The following DIP2B variants were observed in gnomAD, a reference collection of about 807,000 sequenced individuals.
DIP2B encodes DIP2 acetate--CoA ligase B (putative).
In DIP2B, 76 loss-of-function variants were observed where a neutral mutation model predicts 198.0. The observed-to-expected ratio is 0.38, with a 90% CI of 0.32 to 0.46. The LOEUF is 0.46. Ranked by LOEUF, DIP2B falls within the 20% of genes least tolerant of loss-of-function variation. The pLI, the probability that DIP2B is intolerant of heterozygous loss-of-function variation, is 0.99. For missense variants in DIP2B, 1,559 were observed against 1,978.4 expected (o/e 0.79, Z 4.02); for synonymous variants, 701 against 739.1 (o/e 0.95, Z 0.84).
intron 1 of DIP2B, among the ~76,000 whole-genome samples, chr12:50,513,623 CA>C (rs1958037785): frequency 6.6e-6 from 1 of 152,140 alleles, no homozygotes; most frequent in South Asian, 2.1e-4. Flanking sequence ...CCTGCAATCC[CA>C]ATACTTTGGG....
At chr12:50,635,179 T>A (rs1182178869) in intron 2 of DIP2B, among the ~76,000 whole-genome samples, 1 of 152,228 alleles carries the variant, frequency 6.6e-6, no homozygotes, top group Non-Finnish European at 1.5e-5. Context: ...TGTTTTGTCT[T>A]ACTGTATTTG....
At chr12:50,686,534 G>C (rs370653471) in intron 11 of DIP2B, 39 bp from the exon 12 acceptor site, 2 of 1,590,266 alleles carry the variant, frequency 1.3e-6, no homozygotes, top group Non-Finnish European at 1.7e-6. Context: ...ATTCCCTGAT[G>C]GCTTAGGCAA....
intron 1 of DIP2B, among the ~76,000 whole-genome samples, chr12:50,624,907 T>C (rs190712151): frequency 5.9e-5 from 9 of 152,296 alleles, no homozygotes; most frequent in East Asian, 5.8e-4. Context: ...CACTGCAGCA[T>C]TGGAGGCTGA....
At chr12:50,656,697 A>G (rs1360301094) in intron 3 of DIP2B, among the ~76,000 whole-genome samples, 1 of 152,112 alleles carries the variant, frequency 6.6e-6, no homozygotes, top group Non-Finnish European at 1.5e-5. Context: ...TCAGCCTCCC[A>G]AGTAGCTGGG....
intron 25 of DIP2B, among the ~76,000 whole-genome samples, chr12:50,719,741 C>T (rs970934876): frequency 4.5e-4 from 68 of 150,770 alleles, no homozygotes; most frequent in African/African-American, 1.5e-3. Context: ...CTCGGGAGGC[C>T]GAGGCAGGAG....
intron 1 of DIP2B, among the ~76,000 whole-genome samples, chr12:50,569,748 A>T (rs761011776): frequency 1.3e-5 from 2 of 152,240 alleles, no homozygotes; most frequent in African/African-American, 2.4e-5. Context: ...GATTATCTTA[A>T]GAGTTATTAT....
At position 50,578,258 on chromosome 12, in the gene DIP2B, C is replaced by T. The variant is rs570826981; in HGVS notation, c.101-47718C>T. On this transcript the variant is annotated intron_variant, in intron 1 of 37. Coordinates refer to ENST00000301180, the MANE Select transcript of DIP2B (RefSeq NM_173602.3). The stretch of plus-strand genomic sequence containing the variant: ...CCTGACCTCAAGGTATCACCTGCCT[C>T]GGGCTCCCAAAGTGCTGGGATTATA... 5.3e-5 allele frequency among the ~76,000 whole-genome samples: 8 copies of T among 152,292 alleles called. No homozygotes were observed. The South Asian group carries it at 1.0e-3, about 20-fold the overall frequency.
At chr12:50,634,334 A>G (rs1938118923) in intron 2 of DIP2B, among the ~76,000 whole-genome samples, 1 of 152,208 alleles carries the variant, frequency 6.6e-6, no homozygotes, top group African/African-American at 2.4e-5. Flanking sequence ...TTGTGTAGAA[A>G]GGCAATTTCC....
chr12:50,631,029 A>T (rs1938041414), intron 2 of DIP2B, among the ~76,000 whole-genome samples: 2 of 152,188 alleles, frequency 1.3e-5, no homozygotes, highest in South Asian at 2.1e-4. Flanking sequence ...GCCTTCAACT[A>T]TCAGTTACTG....
intron 3 of DIP2B, among the ~76,000 whole-genome samples, chr12:50,658,687 A>G (rs1938594297): frequency 6.6e-6 from 1 of 152,246 alleles, no homozygotes. Flanking sequence ...TAAGTAAATC[A>G]TGGCACATTC....
chr12:50,684,874 T>C (rs947128660), intron 10 of DIP2B, among the ~76,000 whole-genome samples: 16 of 150,082 alleles, frequency 1.1e-4, no homozygotes, highest in South Asian at 2.1e-4. Flanking sequence ...GGTGGATCAC[T>C]TGAGGTCAGG....
Position 50,739,587 on chromosome 12 carries a change from G to A in DIP2B, c.4354+1G>A. 6.2e-7 allele frequency: 1 copy of A among 1,612,916 alleles called. No homozygotes were observed. The stretch of plus-strand genomic sequence containing the variant: ...ACCGAGCTCACAGCGGCCACTGGAG[G>A]TACTTCTGCAACAACTCCCCATTGA... On this transcript the variant is annotated splice_donor_variant, in intron 36 of 37. Coordinates refer to ENST00000301180, the MANE Select transcript of DIP2B (RefSeq NM_173602.3). LOFTEE classifies it high-confidence loss of function.
At chr12:50,512,229 A>G (rs1958024511) in intron 1 of DIP2B, among the ~76,000 whole-genome samples, 1 of 148,766 alleles carries the variant, frequency 6.7e-6, no homozygotes, top group African/African-American at 2.5e-5. Flanking sequence ...GCTTCAGCCT[A>G]CTGAGTAGCT....
chr12:50,669,981 A>G (rs1938822117), intron 4 of DIP2B, among the ~76,000 whole-genome samples: 1 of 152,234 alleles, frequency 6.6e-6, no homozygotes, highest in African/African-American at 2.4e-5. Context: ...GTTGTAAATC[A>G]TAACACCCAG....
intron 1 of DIP2B, among the ~76,000 whole-genome samples, chr12:50,518,311 GC>G (rs1292101976): frequency 6.7e-6 from 1 of 150,288 alleles, no homozygotes; most frequent in African/African-American, 2.5e-5. Context: ...TGCAAGCTCC[GC>G]CCCCTGGGTT....
chr12:50,603,884 C>A lies in DIP2B; in HGVS notation c.101-22092C>A, dbSNP rs1028738995. Among the ~76,000 whole-genome samples, 5 of 152,094 alleles carry A rather than the reference C, an allele frequency of 3.3e-5. No homozygotes were observed. The East Asian group carries it at 5.8e-4, about 18-fold the overall frequency. ...TAGGTGATTAAAGCTCATTTTTCTG[C>A]TGAAGTTCTTTTTCAGAAACTGCTC... On this transcript the variant is annotated intron_variant, in intron 1 of 37. Coordinates refer to ENST00000301180, the MANE Select transcript of DIP2B (RefSeq NM_173602.3).
chr12:50,720,149 C>G (rs1400140610), intron 25 of DIP2B, among the ~76,000 whole-genome samples: 2 of 151,764 alleles, frequency 1.3e-5, no homozygotes, highest in Non-Finnish European at 2.9e-5. Flanking sequence ...AGGCTGGTCT[C>G]GAACTCCTGA....
At chr12:50,583,497 C>T (rs368779819) in intron 1 of DIP2B, among the ~76,000 whole-genome samples, 5 of 152,232 alleles carry the variant, frequency 3.3e-5, no homozygotes, top group African/African-American at 9.6e-5. Context: ...GCTTGTCTCC[C>T]GGAGCATCCC....
rs888260179 is a variant in DIP2B, at chr12:50,592,099, G to A, written c.101-33877G>A. Among the ~76,000 whole-genome samples the A allele has an allele frequency of 5.3e-5, 8 of 151,096 alleles. No individual in the cohort carries two copies. The East Asian group carries it at 5.9e-4, about 11-fold the overall frequency. On this transcript the variant is annotated intron_variant, in intron 1 of 37. Coordinates refer to ENST00000301180, the MANE Select transcript of DIP2B (RefSeq NM_173602.3). ...TCACCGTGTTGACCAGGCTGGTCTC[G>A]AACTCCTGACCTCAAGTGATGCATC...
Sources: gnomAD v4.1 joint callset for allele counts (sites outside exome capture counted in the v4.1 genomes callset) on GRCh38, gnomAD v4.1.1 for gene constraint, MANE v1.5 for transcripts, NCBI Gene and HGNC (gene_info 2026-07-23, HGNC 2026-07-21) for gene names.